Variants in LRRC41 observed in about 807,000 individuals in gnomAD.
LRRC41 encodes leucine rich repeat containing 41, also known as leucine-rich repeat-containing protein 41.
A neutral mutation model predicts 72.1 loss-of-function variants in LRRC41; 17 were observed. The ratio of observed to expected loss-of-function variants is 0.24; its 90% CI spans 0.16 to 0.35. LRRC41 has a LOEUF of 0.35. Among genes scored for constraint, LRRC41 ranks in the 10% least tolerant of loss-of-function variants. The pLI, the probability that LRRC41 is intolerant of heterozygous loss-of-function variation, is 1.00. For missense variants in LRRC41, 759 were observed against 1,065.0 expected, an observed-to-expected ratio of 0.71 and a Z score of 4.00; for synonymous variants, 427 against 431.0, an observed-to-expected ratio of 0.99 and a Z score of 0.11.
rs1189176368 is a variant in LRRC41, at chr1:46,302,908, C to T, written c.199+216G>A. On this transcript the variant is annotated intron_variant, in intron 1 of 9. Transcript: ENST00000617190. This position sits in a 1 kb window ranked among gnomAD's most constrained non-coding sequence, Gnocchi z 4.7. ...GGCCTCGCCCCCCGCGCCCCCGAGC[C>T]AGGCCGCGGTGCGGGTCAGCCTGCC... 3.0e-6 allele frequency: 3 copies of T among 985,276 alleles called. No homozygotes were observed. Among genetic ancestry groups the T allele is most frequent in the Non-Finnish European group, 3.6e-6 (3 of 829,910 alleles). The allele number at this position is 985,276 out of a possible 1,614,324, so 61.0% of individuals were successfully genotyped here. A position where few individuals can be genotyped will look rare whatever the true frequency, so the allele number is the denominator to read the frequency against.
At position 46,291,184 on chromosome 1, in the gene LRRC41, A is replaced by G. The variant is rs1415711338; in HGVS notation, c.358-4685T>C. Among the ~76,000 whole-genome samples, 5 of 152,104 alleles carry G rather than the reference A, an allele frequency of 3.3e-5. No homozygotes were observed. In the East Asian group the frequency reaches 9.6e-4, roughly 29 times the overall value. ...AAGTGATCCGCCGCCTTGGCCTCCC[A>G]AAGTGCTGGGATTACAGGTATGAGC... is the stretch of plus-strand genomic sequence containing the variant. On this transcript the variant is annotated intron_variant, in intron 3 of 9. Coordinates refer to ENST00000617190, the MANE Select transcript of LRRC41 (RefSeq NM_006369.5).
chr1:46,289,048 ATAT>A (rs1289873536), intron 3 of LRRC41, among the ~76,000 whole-genome samples: 1 of 152,218 alleles, frequency 6.6e-6, no homozygotes, highest in Non-Finnish European at 1.5e-5. Context: ...GTGAGTCAAG[ATAT>A]TGTGGCTGTT....
At chr1:46,281,452 C>G (rs1239253224) in intron 4 of LRRC41, 67 bp from the exon 5 acceptor site, 1 of 1,486,198 alleles carries the variant, frequency 6.7e-7, no homozygotes, top group African/African-American at 1.4e-5. Flanking sequence ...TATTCAAATA[C>G]AACTCCAAAT....
rs577698376 is a variant in LRRC41, at chr1:46,281,514, C to T, written c.1496-129G>A. 65 of 904,054 alleles carry T rather than the reference C, an allele frequency of 7.2e-5. No individual in the cohort carries two copies. In the African/African-American group the frequency reaches 9.8e-4, roughly 14 times the overall value. 56.0% of individuals were successfully genotyped at this position (904,054 alleles called of 1,614,324 possible). ...GGCTTTGGCTCAGCTTATTTAAACC[C>T]ATTTGTCTTAACTACTCATCCATGT... On this transcript the variant is annotated intron_variant, in intron 4 of 9. Transcript: ENST00000617190.
intron 1 of LRRC41, among the ~76,000 whole-genome samples, chr1:46,301,481 T>G (rs1329752039): frequency 6.6e-6 from 1 of 151,798 alleles, no homozygotes; most frequent in African/African-American, 2.4e-5. Flanking sequence ...GCCTGGGGCC[T>G]CCACTGTCCC....
intron 3 of LRRC41, among the ~76,000 whole-genome samples, chr1:46,289,996 A>G (rs924966156): frequency 1.3e-5 from 2 of 152,234 alleles, no homozygotes; most frequent in East Asian, 3.9e-4. Context: ...GTATTTGTAC[A>G]AACTAGGGAG....
At chr1:46,283,501 G>C (rs2148314603) in intron 4 of LRRC41, among the ~76,000 whole-genome samples, 1 of 152,170 alleles carries the variant, frequency 6.6e-6, no homozygotes, top group East Asian at 1.9e-4. Flanking sequence ...GAGTTGGGTG[G>C]GGTATTGTGG....
chr1:46,284,409 A>G (rs554117174), intron 4 of LRRC41: 3 of 152,350 alleles, frequency 2.0e-5, no homozygotes, highest in East Asian at 1.9e-4. Flanking sequence ...TGTTAGATCA[A>G]ATTATCAAGA....
chr1:46,295,011 A>G (rs921095971), intron 3 of LRRC41, among the ~76,000 whole-genome samples: 2 of 152,186 alleles, frequency 1.3e-5, no homozygotes, highest in Non-Finnish European at 2.9e-5. Context: ...ATCTTAATTT[A>G]TTCATTGCTT....
In LRRC41 at chr1:46,278,864, A is replaced by G; in HGVS notation, c.*1T>C. Reference sequence around the variant, plus strand: ...CATGAGACTGTGAGGTACGGGCCCCATCACATGGTGCTAACATAATCTGCG... The same window carrying G: ...CATGAGACTGTGAGGTACGGGCCCCGTCACATGGTGCTAACATAATCTGCG... On this transcript the variant is annotated 3_prime_UTR_variant, in exon 10 of 10. Transcript: ENST00000617190. 1 of 1,607,570 alleles carries G rather than the reference A, an allele frequency of 6.2e-7. No homozygotes were observed. The highest frequency in any genetic ancestry group is 8.5e-7 in the Non-Finnish European group (1 of 1,177,914).
Position 46,290,664 on chromosome 1 carries a change from T to C in LRRC41, c.358-4165A>G, listed in dbSNP as rs913395103. On this transcript the variant is annotated intron_variant, in intron 3 of 9. Transcript: ENST00000617190. ...CGCCCTGGTCTGGGCTGGAGTGCAG[T>C]GGTACAATATTAGCTCACTGAAACC... Among the ~76,000 whole-genome samples the C allele has an allele frequency of 2.7e-5, 4 of 150,696 alleles. 1 individual carries two copies. The highest frequency in any genetic ancestry group is 6.7e-5 in the Admixed American group (1 of 15,024).
chr1:46,303,521 G>GGT lies in LRRC41; in HGVS notation c.-201_-200dup, dbSNP rs1661295274. The stretch of plus-strand genomic sequence containing the variant: ...TCCTAGATCAATTATACTTGGGTGT[G>GGT]GTATGACTAAGGGGATGTTTCTTAG... On this transcript the variant is annotated 5_prime_UTR_variant, in exon 1 of 10. The change creates a premature stop within an existing upstream ORF in the 5' untranslated region. Transcript: ENST00000617190. 1 of 736,692 alleles carries GGT rather than the reference G, an allele frequency of 1.4e-6. No individual in the cohort carries two copies. The highest frequency in any genetic ancestry group is 1.9e-5 in the South Asian group (1 of 53,052). 45.6% of individuals were successfully genotyped at this position (736,692 alleles called of 1,614,324 possible).
chr1:46,297,290 C>T, intron 3 of LRRC41: 3 of 363,302 alleles, frequency 8.3e-6, no homozygotes, highest in South Asian at 4.3e-5. Context: ...ACCACTGCAC[C>T]AACACCATCA....
chr1:46,286,594 G>A lies in LRRC41; in HGVS notation c.358-95C>T. On this transcript the variant is annotated intron_variant, in intron 3 of 9. Transcript: ENST00000617190. This position sits in a 1 kb window ranked among gnomAD's most constrained non-coding sequence, Gnocchi z 5.5. ...AATAGCACACTATTTACTGAGTCAG[G>A]CAACACTACAAATTCATTTAATCTT... 1.8e-6 allele frequency: 2 copies of A among 1,133,512 alleles called. No individual in the cohort carries two copies. The highest frequency in any genetic ancestry group is 1.3e-6 in the Non-Finnish European group (1 of 799,870). The allele number at this position is 1,133,512 out of a possible 1,614,324, so 70.2% of individuals were successfully genotyped here.
chr1:46,281,071 T>C, intron 5 of LRRC41, 54 bp downstream of exon 5: 1 of 1,596,646 alleles, frequency 6.3e-7, no homozygotes, highest in Non-Finnish European at 8.5e-7. Flanking sequence ...ATCTGCACCT[T>C]TGTGTGGGGA....
Position 46,303,301 on chromosome 1 carries a change from G to T in LRRC41, c.22C>A (p.Arg8Ser). 2.0e-6 allele frequency: 3 copies of T among 1,533,956 alleles called. No individual in the cohort carries two copies. The highest frequency in any genetic ancestry group is 1.2e-5 in the South Asian group (1 of 83,102). The part of the protein sequence containing the change: MAAPEAW[R>S]ARSCWFCEVA... ...TCACAGAACCAGCAACTCCGGGCGC[G>T]CCAGGCCTCGGGCGCCGCCATCTTG... The change falls in exon 1 of 10, where the codon CGC becomes AGC. Residue 8 changes from arginine to serine, a missense_variant. Physicochemically the swap from Arg to Ser is moderately radical, Grantham distance 110. Coordinates refer to ENST00000617190, the MANE Select transcript of LRRC41 (RefSeq NM_006369.5).
chr1:46,295,827 G>A (rs1353907023), intron 3 of LRRC41, among the ~76,000 whole-genome samples: 1 of 152,212 alleles, frequency 6.6e-6, no homozygotes, highest in Non-Finnish European at 1.5e-5. Context: ...CATAAGGTCT[G>A]TTGTCCTCAT....
In LRRC41 at chr1:46,285,444, T is replaced by A. The variant is rs746121646; in HGVS notation, c.1413A>T (p.Pro471=). ...SISTLELFTV[P]LSTEAALTLC... is the part of the protein sequence containing the mutation. ...GTGTCAGGGCTGCCTCTGTGGAGAG[T>A]GGAACTGTGAATAGCTCCAAGGTGG... The change falls in exon 4 of 10, where the codon CCA becomes CCT. Residue 471 remains proline (P), a synonymous_variant. Transcript: ENST00000617190. The surrounding 1 kb of genome is among the most constrained non-coding windows in gnomAD (Gnocchi z 5.3). The A allele has an allele frequency of 3.7e-6, 6 of 1,613,904 alleles. No individual in the cohort carries two copies. Among genetic ancestry groups the A allele is most frequent in the Admixed American group, 1.7e-5 (1 of 59,986 alleles).
Position 46,279,330 on chromosome 1 carries a change from GCTGGCAGAACCAGCCCTGCTGGTTC to G in LRRC41, c.2144-98_2144-74del. 1.3e-6 allele frequency: 2 copies of G among 1,584,130 alleles called. No homozygotes were observed. Among genetic ancestry groups the G allele is most frequent in the Non-Finnish European group, 1.7e-6 (2 of 1,152,862 alleles). ...ACAAGGGTATCCCAACCCAACTATG[GCTGGCAGAACCAGCCCTGCTGGTTC>G]CTGAAGCCCCAGCACAGAAATATCT... is the stretch of plus-strand genomic sequence containing the variant. On this transcript the variant is annotated intron_variant, in intron 8 of 9. Coordinates refer to ENST00000617190, the MANE Select transcript of LRRC41 (RefSeq NM_006369.5). This position sits in a 1 kb window ranked among gnomAD's most constrained non-coding sequence, Gnocchi z 4.5.
Sources: gnomAD v4.1 joint callset for allele counts (sites outside exome capture counted in the v4.1 genomes callset) on GRCh38, gnomAD v4.1.1 for gene constraint, Gnocchi (gnomAD v3.1) non-coding constraint, MANE v1.5 for transcripts, NCBI Gene and HGNC (gene_info 2026-07-23, HGNC 2026-07-21) for gene names.